LRRC63: variants seen among roughly 807,000 people sequenced by gnomAD.
LRRC63 encodes the protein leucine-rich repeat-containing protein 63.
A neutral mutation model predicts 49.5 loss-of-function variants in LRRC63; 40 were observed. The ratio of observed to expected loss-of-function variants is 0.81; its 90% CI spans 0.63 to 1.05. The LOEUF (loss-of-function observed/expected upper bound fraction) is 1.05. LRRC63 is among the 50% of genes least tolerant of loss of function. The pLI is 0.00. For synonymous variants in LRRC63, 191 were observed against 221.1 expected, an observed-to-expected ratio of 0.86 and a Z score of 1.21; for missense variants, 636 against 663.1, an observed-to-expected ratio of 0.96 and a Z score of 0.45.
exon 9 of LRRC63, chr13:46,266,760 G>A (rs2047689104): frequency 6.5e-7 from 1 of 1,549,414 alleles, no homozygotes. Context: ...CTGTTGATGG[G>A]AATGAACTGA....
chr13:46,267,059 T>C, intron 9 of LRRC63, 87 bp downstream of exon 9: 1 of 1,234,414 alleles, frequency 8.1e-7, no homozygotes, highest in East Asian at 2.6e-5. Context: ...ACAGTGTCAC[T>C]AACATGCACA....
chr13:46,212,916 TTTTC>T (rs1593985586), intron 1 of LRRC63, 82 bp from the exon 2 acceptor site: 1 of 690,322 alleles, frequency 1.4e-6, no homozygotes. Flanking sequence ...TACAGAATGA[TTTTC>T]TTTAAGATGT....
At chr13:46,227,445 C>A in intron 2 of LRRC63, 67 bp from the exon 3 acceptor site, 1 of 1,093,486 alleles carries the variant, frequency 9.1e-7, no homozygotes. Context: ...AAAGTGAATG[C>A]TAAGATATTT....
At chr13:46,231,824 T>C (rs2046768039) in intron 4 of LRRC63, among the ~76,000 whole-genome samples, 1 of 134,518 alleles carries the variant, frequency 7.4e-6, no homozygotes, top group African/African-American at 2.9e-5. Flanking sequence ...ACTTTTTTTT[T>C]TTTTTTTTTG....
At position 46,228,847 on chromosome 13, in the gene LRRC63, ATATGTCT is replaced by A. The variant is rs2046657240; in HGVS notation, c.832+117_832+123del. On this transcript the variant is annotated intron_variant, in intron 4 of 9. Coordinates refer to ENST00000595396, the Ensembl canonical transcript of LRRC63. ...TGTGATTCACACATGCATAACACAC[ATATGTCT>A]TACCTCATTTTCAGCTCCCTAAGTC... 5.6e-5 allele frequency: 38 copies of A among 678,348 alleles called. No individual in the cohort carries two copies. In the East Asian group the frequency reaches 1.0e-3, roughly 19 times the overall value. The allele number at this position is 678,348 out of a possible 1,614,324, so 42.0% of individuals were successfully genotyped here.
chr13:46,220,904 G>A (rs189875853), intron 2 of LRRC63, among the ~76,000 whole-genome samples: 36 of 152,224 alleles, frequency 2.4e-4, no homozygotes, highest in African/African-American at 7.7e-4. Context: ...AGGTGACGCC[G>A]CACCCTGCTT....
At chr13:46,249,859 A>C (rs2047326652) in intron 6 of LRRC63, 1 of 152,032 alleles carries the variant, frequency 6.6e-6, no homozygotes. Context: ...ATTTGTATAA[A>C]TTTAAGAGGA....
intron 7 of LRRC63, among the ~76,000 whole-genome samples, chr13:46,259,795 A>G (rs1019390791): frequency 6.6e-6 from 1 of 152,202 alleles, no homozygotes; most frequent in Non-Finnish European, 1.5e-5. Context: ...TTAAAAGATC[A>G]TTCTAAATTA....
chr13:46,258,164 T>C (rs940370752), intron 7 of LRRC63, among the ~76,000 whole-genome samples: 3 of 149,494 alleles, frequency 2.0e-5, no homozygotes, highest in Non-Finnish European at 4.4e-5. Flanking sequence ...AGTCTTGTTC[T>C]TGTTGCCCAG....
rs192004614 is a variant in LRRC63 at position 46,221,457 on chromosome 13, C to A, written c.86-6055C>A. ...ATTTTTATATCCCAAACTAAGAAAT[C>A]TGAATTAATACCGATTCTGATAATT... On this transcript the variant is annotated intron_variant, in intron 2 of 9. Transcript: ENST00000595396. Among the ~76,000 whole-genome samples the A allele has an allele frequency of 4.5e-3, 687 of 152,252 alleles. 3 individuals are homozygous for A. The highest frequency in any genetic ancestry group is 7.8e-3 in the Non-Finnish European group (533 of 68,022).
At chr13:46,266,680 T>G (rs1161439131) in intron 8 of LRRC63, 53 bp from the exon 9 acceptor site, 5 of 1,415,796 alleles carry the variant, frequency 3.5e-6, no homozygotes, top group Non-Finnish European at 3.7e-6. Context: ...AATTTTACTT[T>G]AATATTATGA....
rs961832696 is a variant in LRRC63 at position 46,273,331 on chromosome 13, C to T, written c.1551-3259C>T. On this transcript the variant is annotated intron_variant, in intron 9 of 9. Transcript: ENST00000595396. ...TCCATAAAGGGTAGTGGACCGGGCG[C>T]GGTGGCTCACTCCTGTAATCCCAGC... Among the ~76,000 whole-genome samples the T allele has an allele frequency of 3.9e-5, 6 of 152,180 alleles. No homozygotes were observed. The East Asian group carries it at 5.8e-4, about 15-fold the overall frequency.
Position 46,213,176 on chromosome 13 carries a change from C to G in LRRC63, c.85+57C>G, listed in dbSNP as rs940637820. On this transcript the variant is annotated intron_variant, in intron 2 of 9. Transcript: ENST00000595396. The stretch of plus-strand genomic sequence containing the variant: ...ATTTATGTATCTTTCATAGAAATTC[C>G]TTGACTTGCACAGCTCAGAATCACA... 7 of 1,178,640 alleles carry G rather than the reference C, an allele frequency of 5.9e-6. No individual in the cohort carries two copies. In the East Asian group the frequency reaches 1.3e-4, roughly 22 times the overall value. 73.0% of individuals were successfully genotyped at this position (1,178,640 alleles called of 1,614,324 possible). A position where few individuals can be genotyped will look rare whatever the true frequency, so the allele number is the denominator to read the frequency against.
intron 9 of LRRC63, chr13:46,270,270 G>C (rs2047738434): frequency 1.1e-6 from 1 of 873,870 alleles, no homozygotes; most frequent in African/African-American, 1.6e-5. Context: ...ACAATTAAAA[G>C]CATTCCCTGT....
intron 7 of LRRC63, among the ~76,000 whole-genome samples, chr13:46,254,522 A>G (rs932710739): frequency 6.6e-6 from 1 of 152,170 alleles, no homozygotes; most frequent in Non-Finnish European, 1.5e-5. Context: ...TAAAATATAT[A>G]GTTATATGGG....
At chr13:46,257,892 T>A (rs542638010) in intron 7 of LRRC63, among the ~76,000 whole-genome samples, 1 of 151,862 alleles carries the variant, frequency 6.6e-6, no homozygotes, top group Non-Finnish European at 1.5e-5. Context: ...TTTCTTATAG[T>A]TTCCATATGT....
chr13:46,229,282 T>C (rs1465277101), intron 4 of LRRC63, among the ~76,000 whole-genome samples: 1 of 152,220 alleles, frequency 6.6e-6, no homozygotes, highest in Non-Finnish European at 1.5e-5. Flanking sequence ...TTTCCATTAC[T>C]AAGTAGTTTG....
Position 46,227,920 on chromosome 13 carries a change from C to G in LRRC63, c.494C>G (p.Ser165Ter). The stretch of plus-strand genomic sequence containing the variant: ...TCCAAACCTAAAAGTACTCCTGGCT[C>G]AGTTATCGCTCAAAAACTTGAGAAA... Residue 165 changes from serine (S) to a stop codon, truncating the protein, a stop_gained, in exon 3 of 10, where the codon TCA (serine) becomes TGA (stop). Transcript: ENST00000595396. LOFTEE classifies it high-confidence loss of function. The G allele has an allele frequency of 1.3e-6, 2 of 1,550,618 alleles. No homozygotes were observed. Among genetic ancestry groups the G allele is most frequent in the Non-Finnish European group, 1.7e-6 (2 of 1,146,990 alleles).
At chr13:46,226,740 T>C (rs2046587914) in intron 2 of LRRC63, among the ~76,000 whole-genome samples, 1 of 152,042 alleles carries the variant, frequency 6.6e-6, no homozygotes, top group East Asian at 1.9e-4. Flanking sequence ...AGCAATCCCA[T>C]ATAGACAACA....
Sources: allele counts gnomAD v4.1 joint callset (sites outside exome capture counted in the v4.1 genomes callset), GRCh38; gene constraint gnomAD v4.1.1; transcripts MANE v1.5; gene names NCBI Gene and HGNC (gene_info 2026-07-23, HGNC 2026-07-21).